Variants in RAB38 observed in about 807,000 individuals in gnomAD.
RAB38 encodes the protein RAB38, member RAS oncogene family.
In RAB38, 15 loss-of-function variants were observed where a neutral mutation model predicts 18.4. The observed-to-expected ratio is 0.82, with a 90% confidence interval of 0.55 to 1.26. RAB38 has a LOEUF of 1.26. Among genes scored for constraint, RAB38 ranks in the 50% most tolerant of loss-of-function variants. The pLI is 0.00. For missense variants in RAB38, 294 were observed against 267.4 expected, an observed-to-expected ratio of 1.10 and a Z score of -0.69; for synonymous variants, 101 against 104.4, an observed-to-expected ratio of 0.97 and a Z score of 0.20.
intron 2 of RAB38, among the ~76,000 whole-genome samples, chr11:88,135,766 T>G (rs1942828407): frequency 1.3e-5 from 2 of 152,210 alleles, no homozygotes; most frequent in Non-Finnish European, 2.9e-5. Flanking sequence ...TAACGAGCCT[T>G]TTGCGATGGT....
At chr11:88,034,515 A>T in the RAB38 span, among the ~76,000 whole-genome samples, 1 of 152,236 alleles carries the variant, frequency 6.6e-6, no homozygotes, top group African/African-American at 2.4e-5. Context: ...GTATTTGATG[A>T]TATCATAAAC....
At chr11:88,103,079 A>T in the RAB38 span, among the ~76,000 whole-genome samples, 1 of 151,982 alleles carries the variant, frequency 6.6e-6, no homozygotes, top group Non-Finnish European at 1.5e-5. Context: ...TTCACCCTTG[A>T]TAATTACTGA....
At chr11:87,826,576 A>G in the RAB38 span, among the ~76,000 whole-genome samples, 1 of 152,182 alleles carries the variant, frequency 6.6e-6, no homozygotes, top group Non-Finnish European at 1.5e-5. Flanking sequence ...CTTAACATAT[A>G]ATAATAAAAT....
the RAB38 span, among the ~76,000 whole-genome samples, chr11:87,811,924 G>A: frequency 7.2e-5 from 11 of 152,264 alleles, no homozygotes; most frequent in Middle Eastern, 0.014. Context: ...AGCTTTTTCA[G>A]GTAGTAATTT....
chr11:87,948,998 G>A, the RAB38 span, among the ~76,000 whole-genome samples: 13 of 152,168 alleles, frequency 8.5e-5, no homozygotes, highest in South Asian at 4.1e-4. Context: ...GGTAGAATTC[G>A]GCTGTGAATC....
At chr11:87,813,286 T>G in the RAB38 span, among the ~76,000 whole-genome samples, 1 of 152,302 alleles carries the variant, frequency 6.6e-6, no homozygotes, top group Admixed American at 6.5e-5. Flanking sequence ...CTTTTCATAT[T>G]GTACCCAGGC....
At chr11:87,902,506 T>G in the RAB38 span, among the ~76,000 whole-genome samples, 1 of 151,360 alleles carries the variant, frequency 6.6e-6, no homozygotes, top group African/African-American at 2.4e-5. Flanking sequence ...TTATTTGCAT[T>G]ACCACACAAA....
At chr11:87,962,679 A>G in the RAB38 span, among the ~76,000 whole-genome samples, 9 of 152,216 alleles carry the variant, frequency 5.9e-5, no homozygotes, top group African/African-American at 2.2e-4. Context: ...AATGCAGTTA[A>G]TATATGGATA....
chr11:88,159,290 C>G (rs1943161372), intron 1 of RAB38, among the ~76,000 whole-genome samples: 1 of 151,186 alleles, frequency 6.6e-6, no homozygotes, highest in South Asian at 2.1e-4. Flanking sequence ...GGTAAAAGAT[C>G]TCTACAAGGA....
At chr11:87,820,303 G>A in the RAB38 span, among the ~76,000 whole-genome samples, 604 of 152,270 alleles carry the variant, frequency 4.0e-3, 6 homozygotes, top group African/African-American at 0.013. Context: ...CTAGGTCCTC[G>A]GGAGTGTAAG....
At chr11:87,901,671 C>T in the RAB38 span, among the ~76,000 whole-genome samples, 4 of 151,620 alleles carry the variant, frequency 2.6e-5, no homozygotes, top group African/African-American at 9.7e-5. Context: ...GCAAATCCCA[C>T]ACCGGTTCAA....
the RAB38 span, among the ~76,000 whole-genome samples, chr11:87,842,806 A>G: frequency 1.3e-5 from 1 of 78,684 alleles, no homozygotes; most frequent in African/African-American, 6.2e-5. Context: ...ACACACACAC[A>G]CACGCGCGCG....
the RAB38 span, among the ~76,000 whole-genome samples, chr11:88,020,311 T>A: frequency 6.6e-6 from 1 of 151,882 alleles, no homozygotes; most frequent in African/African-American, 2.4e-5. Flanking sequence ...TCTACATATA[T>A]CAGACAAAAT....
chr11:87,933,702 G>A, the RAB38 span, among the ~76,000 whole-genome samples: 1 of 149,992 alleles, frequency 6.7e-6, no homozygotes, highest in Admixed American at 6.6e-5. Context: ...CAGTTTGCAT[G>A]GAGCCAAAAA....
At chr11:88,122,236 A>G (rs1942639721) in intron 2 of RAB38, among the ~76,000 whole-genome samples, 1 of 152,206 alleles carries the variant, frequency 6.6e-6, no homozygotes, top group Non-Finnish European at 1.5e-5. Flanking sequence ...ATGACTTACC[A>G]GTAATTGCCA....
the RAB38 span, among the ~76,000 whole-genome samples, chr11:87,830,868 G>A: frequency 6.6e-5 from 10 of 151,716 alleles, no homozygotes; most frequent in Non-Finnish European, 1.0e-4. Flanking sequence ...GTGTGGTCTC[G>A]GCTCACTGCA....
the RAB38 span, among the ~76,000 whole-genome samples, chr11:87,956,066 A>G: frequency 6.6e-6 from 1 of 152,134 alleles, no homozygotes; most frequent in Non-Finnish European, 1.5e-5. Context: ...TATGGTTCAT[A>G]TATTTTCTGA....
At chr11:88,013,804 C>G in the RAB38 span, among the ~76,000 whole-genome samples, 6 of 152,252 alleles carry the variant, frequency 3.9e-5, no homozygotes, top group Middle Eastern at 3.4e-3. Context: ...AATGAAATGG[C>G]TATTTTTCAA....
At chr11:88,114,359 G>C (rs1357583470) in intron 2 of RAB38, among the ~76,000 whole-genome samples, 1 of 152,156 alleles carries the variant, frequency 6.6e-6, no homozygotes. Context: ...TAGGAGGAAT[G>C]GTGTCTGGTA....
Sources: allele counts gnomAD v4.1 joint callset (sites outside exome capture counted in the v4.1 genomes callset), GRCh38; gene constraint gnomAD v4.1.1; transcripts MANE v1.5; gene names NCBI Gene and HGNC (gene_info 2026-07-23, HGNC 2026-07-21).